Variants in TCTN3 observed in about 807,000 individuals in gnomAD.
The protein encoded by TCTN3 is tectonic-3.
TCTN3 carries 57 observed loss-of-function variants against 71.3 expected under a neutral mutation model. The ratio of observed to expected loss-of-function variants is 0.80; its 90% CI spans 0.65 to 1.00. TCTN3 has a LOEUF of 1.00. Ranked by LOEUF, TCTN3 falls within the 50% of genes least tolerant of loss-of-function variation. TCTN3 has a pLI of 0.00. For synonymous variants in TCTN3, 258 were observed against 267.8 expected (o/e 0.96, Z 0.36); for missense variants, 696 against 719.9 (o/e 0.97, Z 0.38).
At chr10:95,683,718 G>A (rs530837033) in intron 9 of TCTN3, 89 bp from the exon 10 acceptor site, 1 of 1,037,548 alleles carries the variant, frequency 9.6e-7, no homozygotes, top group African/African-American at 1.6e-5. Flanking sequence ...CTTCCTTAAG[G>A]CAAGGAAATG....
At chr10:95,685,786 C>G (rs1207553152) in intron 7 of TCTN3, 150 bp from the exon 8 acceptor site, 2 of 621,120 alleles carry the variant, frequency 3.2e-6, no homozygotes, top group Non-Finnish European at 5.7e-6. Flanking sequence ...AACTTAAATT[C>G]AAGTCTTTCT....
At chr10:95,667,358 A>G (rs1220983742) in intron 13 of TCTN3, among the ~76,000 whole-genome samples, 1 of 152,228 alleles carries the variant, frequency 6.6e-6, no homozygotes, top group Non-Finnish European at 1.5e-5. Flanking sequence ...GGGAGACATC[A>G]TAATATGCAA....
chr10:95,683,101 C>T lies in TCTN3; in HGVS notation c.1298G>A (p.Arg433Lys). ...AAATGATGCGGAAGCAAAGAACTAC[C>T]TGAGCTTGCATCCAGATATTGCATT... ...GVNAISGCKL[R>K]LKKADCSHLQ... Residue 433 changes from arginine (R) to lysine (K), a missense_variant and splice_region_variant, in exon 11 of 14, where the codon AGG becomes AAG. Physicochemically the swap from Arg to Lys is conservative, Grantham distance 26. Coordinates refer to ENST00000371217, the MANE Select transcript of TCTN3 (RefSeq NM_015631.6). 1.2e-6 allele frequency: 2 copies of T among 1,612,980 alleles called. No homozygotes were observed. Among genetic ancestry groups the T allele is most frequent in the Non-Finnish European group, 1.7e-6 (2 of 1,179,184 alleles).
At chr10:95,681,110 C>CAA (rs2097942564) in intron 12 of TCTN3, among the ~76,000 whole-genome samples, 2 of 151,076 alleles carry the variant, frequency 1.3e-5, no homozygotes, top group Non-Finnish European at 2.9e-5. Flanking sequence ...GAGTCTCGCT[C>CAA]TGTTGCCCAG....
intron 7 of TCTN3, among the ~76,000 whole-genome samples, chr10:95,686,183 G>A (rs985570059): frequency 1.3e-5 from 2 of 152,218 alleles, no homozygotes; most frequent in Admixed American, 1.3e-4. Context: ...AACTGTGACC[G>A]TGCCACTGCA....
At chr10:95,666,681 T>C (rs1267346161) in intron 13 of TCTN3, among the ~76,000 whole-genome samples, 2 of 152,152 alleles carry the variant, frequency 1.3e-5, no homozygotes, top group African/African-American at 4.8e-5. Context: ...GGAAACGGAA[T>C]AGGGAATGAT....
intron 13 of TCTN3, among the ~76,000 whole-genome samples, chr10:95,679,889 C>T (rs924193389): frequency 3.3e-5 from 5 of 152,124 alleles, no homozygotes; most frequent in African/African-American, 9.7e-5. Flanking sequence ...CGCGCCCGGC[C>T]GTCATTTCTA....
In TCTN3 at chr10:95,693,631, C is replaced by G. The variant is rs916551239; in HGVS notation, c.256+13G>C. On this transcript the variant is annotated intron_variant, in intron 1 of 13. Transcript: ENST00000371217. ...CAGAAGTAAGTTTCCACCCCCACAA[C>G]GTTTTCCCTCACCTGGGAAGAGGTC... 1.9e-6 allele frequency: 3 copies of G among 1,548,734 alleles called. No individual in the cohort carries two copies. Among genetic ancestry groups the G allele is most frequent in the Non-Finnish European group, 2.6e-6 (3 of 1,146,258 alleles).
chr10:95,683,757 G>T, intron 9 of TCTN3, 128 bp from the exon 10 acceptor site: 1 of 686,362 alleles, frequency 1.5e-6, no homozygotes, highest in Non-Finnish European at 2.3e-6. Context: ...GAACAATCTG[G>T]CTTCTTTCCA....
At chr10:95,692,835 ATTC>A (rs762625622) in intron 3 of TCTN3, 82 bp downstream of exon 3, 33 of 998,434 alleles carry the variant, frequency 3.3e-5, no homozygotes, top group Middle Eastern at 4.1e-4. Context: ...GCCCAAGACA[ATTC>A]TTCTTCCAAT....
Position 95,693,760 on chromosome 10 carries a change from A to T in TCTN3, c.140T>A (p.Leu47His), listed in dbSNP as rs1055908162. ...TGCAGTCGCCTCTGAAGGGGACTGGAGGGTTCCGCCATCCGTCCCTCGCTG... is the reference window on the plus strand; with the variant it reads ...TGCAGTCGCCTCTGAAGGGGACTGGTGGGTTCCGCCATCCGTCCCTCGCTG... ...ELQRGTDGGT[L>H]QSPSEATATR... Residue 47 changes from leucine (L) to histidine (H), a missense_variant, in exon 1 of 14, where the codon CTC (leucine) becomes CAC (histidine). By Grantham distance (99) the Leu-to-His change is moderately conservative. Transcript: ENST00000371217. 5 of 1,551,604 alleles carry T rather than the reference A, an allele frequency of 3.2e-6. No homozygotes were observed. The highest frequency in any genetic ancestry group is 3.5e-6 in the Non-Finnish European group (4 of 1,146,974).
At chr10:95,675,148 A>C (rs1223955521) in intron 13 of TCTN3, among the ~76,000 whole-genome samples, 1 of 152,254 alleles carries the variant, frequency 6.6e-6, no homozygotes. Context: ...GTTGGAGTTC[A>C]GTGGCGCGAT....
rs1466953273 is a variant in TCTN3, at chr10:95,663,467, T to C, written c.*600A>G. 6.5e-6 allele frequency: 1 copy of C among 152,726 alleles called. No homozygotes were observed. The highest frequency in any genetic ancestry group is 1.5e-5 in the Non-Finnish European group (1 of 68,438). 9.5% of individuals were successfully genotyped at this position (152,726 alleles called of 1,614,324 possible). A position where few individuals can be genotyped will look rare whatever the true frequency, so the allele number is the denominator to read the frequency against. ...AATGAACGGAAGAAAAAGGCAGAAA[T>C]AAATGGTAGGGTCATTTGCTAGTAG... On this transcript the variant is annotated 3_prime_UTR_variant, in exon 14 of 14. Coordinates refer to ENST00000371217, the MANE Select transcript of TCTN3 (RefSeq NM_015631.6).
Position 95,664,246 on chromosome 10 carries a change from TGTCCACAAA to T in TCTN3, c.1636_1644del (p.Phe546_Asp548del). On this transcript the variant is annotated inframe_deletion, in exon 14 of 14. Transcript: ENST00000371217. ...CTTGGAGGCTGTGGCTTCTGGGTAA[TGTCCACAAA>T]GTTCACAAGAGTTGTCAAAGATACT... is the stretch of plus-strand genomic sequence containing the variant. 1 of 1,614,172 alleles carries T rather than the reference TGTCCACAAA, an allele frequency of 6.2e-7. No individual in the cohort carries two copies. Among genetic ancestry groups the T allele is most frequent in the Non-Finnish European group, 8.5e-7 (1 of 1,180,008 alleles).
intron 13 of TCTN3, among the ~76,000 whole-genome samples, chr10:95,671,964 T>A (rs1372718333): frequency 1.3e-5 from 2 of 152,154 alleles, no homozygotes; most frequent in Non-Finnish European, 2.9e-5. Flanking sequence ...TTATAAACAA[T>A]AAAATATATA....
chr10:95,673,544 A>T (rs2097933796), intron 13 of TCTN3, among the ~76,000 whole-genome samples: 1 of 152,180 alleles, frequency 6.6e-6, no homozygotes, highest in South Asian at 2.1e-4. Flanking sequence ...TTGTTAAAAA[A>T]AAAGAAACTT....
intron 3 of TCTN3, among the ~76,000 whole-genome samples, chr10:95,689,119 G>A (rs773324808): frequency 1.3e-5 from 2 of 152,058 alleles, no homozygotes; most frequent in Non-Finnish European, 2.9e-5. Context: ...CAGCATGAAT[G>A]GGGCTCTCAA....
rs1337670061 is a variant in TCTN3, at chr10:95,693,694, G to A, written c.206C>T (p.Thr69Ile). 16 of 1,551,750 alleles carry A rather than the reference G, an allele frequency of 1.0e-5. 1 individual carries two copies. In the East Asian group the frequency reaches 3.9e-4, roughly 38 times the overall value. The change falls in exon 1 of 14, where the codon ACT becomes ATT. Residue 69 changes from threonine (T) to isoleucine (I), a missense_variant. Thr to Ile is a moderately conservative substitution (Grantham distance 89, BLOSUM62 -1). Transcript: ENST00000371217. ...AVPGLPTVVP[T>I]LVTPSAPGNR... The stretch of plus-strand genomic sequence containing the variant: ...CCCAGGGGCCGAGGGAGTCACGAGA[G>A]TAGGGACCACTGTAGGGAGTCCAGG...
At chr10:95,666,042 G>A (rs959390253) in intron 13 of TCTN3, among the ~76,000 whole-genome samples, 5 of 151,458 alleles carry the variant, frequency 3.3e-5, no homozygotes, top group African/African-American at 9.7e-5. Context: ...CCAGGTTCAC[G>A]CCATTCTCCT....
Sources: gnomAD v4.1 joint callset for allele counts (sites outside exome capture counted in the v4.1 genomes callset) on GRCh38, gnomAD v4.1.1 for gene constraint, MANE v1.5 for transcripts, NCBI Gene and HGNC (gene_info 2026-07-23, HGNC 2026-07-21) for gene names.